LRCH1: variants seen among roughly 807,000 people sequenced by gnomAD.
The protein encoded by LRCH1 is leucine rich repeats and calponin homology domain containing 1.
LRCH1 carries 23 observed loss-of-function variants against 94.9 expected under a neutral mutation model. The ratio of observed to expected loss-of-function variants is 0.24; its 90% CI spans 0.17 to 0.34. The LOEUF (loss-of-function observed/expected upper bound fraction) is 0.34. LRCH1 is among the 10% of genes least tolerant of loss of function. LRCH1 has a pLI of 1.00. For synonymous variants in LRCH1, 364 were observed against 354.9 expected, an observed-to-expected ratio of 1.03 and a Z score of -0.29; for missense variants, 790 against 945.9, an observed-to-expected ratio of 0.84 and a Z score of 2.16.
Position 46,643,125 on chromosome 13 carries a change from G to A in LRCH1, c.308-7076G>A, listed in dbSNP as rs542083137. ...ATCTTTCTGTCACTCAGACCCTACTGTACCTTTTCACAGCCCCTTGCCCAT... is the reference window on the plus strand; with the variant it reads ...ATCTTTCTGTCACTCAGACCCTACTATACCTTTTCACAGCCCCTTGCCCAT... On this transcript the variant is annotated intron_variant, in intron 1 of 19. Transcript: ENST00000389797. 3.9e-5 allele frequency among the ~76,000 whole-genome samples: 6 copies of A among 152,310 alleles called. No individual in the cohort carries two copies. In the South Asian group the frequency reaches 1.2e-3, roughly 32 times the overall value.
At chr13:46,588,139 G>A (rs2050455253) in intron 1 of LRCH1, among the ~76,000 whole-genome samples, 1 of 152,110 alleles carries the variant, frequency 6.6e-6, no homozygotes, top group African/African-American at 2.4e-5. Flanking sequence ...ACTTATCTTG[G>A]AGTCATTTAT....
intron 1 of LRCH1, among the ~76,000 whole-genome samples, chr13:46,629,868 A>G (rs2050998087): frequency 6.6e-6 from 1 of 152,256 alleles, no homozygotes; most frequent in Admixed American, 6.5e-5. Flanking sequence ...GACAGTTAGA[A>G]AAGGTAGACA....
intron 2 of LRCH1, among the ~76,000 whole-genome samples, chr13:46,662,757 T>C (rs572219618): frequency 6.6e-6 from 1 of 152,308 alleles, no homozygotes; most frequent in East Asian, 1.9e-4. Flanking sequence ...CACGAGGAGA[T>C]AGGCTATTAT....
chr13:46,555,071 T>G (rs915657772), intron 1 of LRCH1, among the ~76,000 whole-genome samples: 1 of 152,224 alleles, frequency 6.6e-6, no homozygotes. Flanking sequence ...CAAAGATGGC[T>G]CTCCAGGGTC....
chr13:46,691,732 C>T (rs1870906658), intron 7 of LRCH1, among the ~76,000 whole-genome samples: 1 of 152,170 alleles, frequency 6.6e-6, no homozygotes, highest in Admixed American at 6.5e-5. Context: ...GTTCTCTTGC[C>T]AGGCTGGAGT....
chr13:46,566,155 A>ACAGTC (rs2050181845), intron 1 of LRCH1, among the ~76,000 whole-genome samples: 1 of 152,164 alleles, frequency 6.6e-6, no homozygotes, highest in African/African-American at 2.4e-5. Context: ...AAAACCATTG[A>ACAGTC]CAGTCTCTTC....
chr13:46,732,818 A>G (rs1157821769), intron 18 of LRCH1, among the ~76,000 whole-genome samples: 1 of 152,156 alleles, frequency 6.6e-6, no homozygotes, highest in Non-Finnish European at 1.5e-5. Context: ...TTGTCCTGAG[A>G]CATGCCAGGG....
rs77453025 is a variant in LRCH1 at position 46,576,856 on chromosome 13, T to A, written c.307+23153T>A. Among the ~76,000 whole-genome samples, 49 of 152,322 alleles carry A rather than the reference T, an allele frequency of 3.2e-4. 1 individual carries two copies. Among genetic ancestry groups the A allele is most frequent in the African/African-American group, 1.2e-3 (48 of 41,578 alleles). Reference sequence around the variant, plus strand: ...GATGCACATTTATGATGGCACAGTTTCTATGGATCAGGAGTCCAGACACAG... The same window carrying A: ...GATGCACATTTATGATGGCACAGTTACTATGGATCAGGAGTCCAGACACAG... On this transcript the variant is annotated intron_variant, in intron 1 of 19. Transcript: ENST00000389797.
At chr13:46,705,454 GTTTATACGTTTGCCTCTT>G (rs1253929400) in intron 13 of LRCH1, 150 bp downstream of exon 13, 1 of 795,856 alleles carries the variant, frequency 1.3e-6, no homozygotes, top group East Asian at 2.5e-5. Flanking sequence ...TTTTCAACTT[GTTTATACGTTTGCCTCTT>G]TAGTTCTGCT....
At chr13:46,686,414 G>A (rs1372451586) in intron 5 of LRCH1, among the ~76,000 whole-genome samples, 1 of 152,186 alleles carries the variant, frequency 6.6e-6, no homozygotes, top group Admixed American at 6.5e-5. Context: ...CGTGGGGCAG[G>A]ACCCTCTTTG....
chr13:46,696,384 A>G (rs1311792590), intron 9 of LRCH1, among the ~76,000 whole-genome samples: 1 of 152,242 alleles, frequency 6.6e-6, no homozygotes, highest in Non-Finnish European at 1.5e-5. Context: ...ATTGGAGTAT[A>G]TCGAGCATTC....
At chr13:46,585,552 CAAAAAAAA>C (rs35651253) in intron 1 of LRCH1, among the ~76,000 whole-genome samples, 1 of 82,116 alleles carries the variant, frequency 1.2e-5, no homozygotes, top group Non-Finnish European at 2.7e-5. Context: ...GACTGCATCT[CAAAAAAAA>C]AAAAAAAAAA....
chr13:46,726,535 C>T (rs916609299), intron 17 of LRCH1, among the ~76,000 whole-genome samples: 38 of 152,132 alleles, frequency 2.5e-4, no homozygotes, highest in African/African-American at 8.7e-4. Context: ...AGCTGAACAC[C>T]ACAGGAAACA....
Position 46,715,630 on chromosome 13 carries a change from C to T in LRCH1, c.1725C>T (p.Ser575=). The change falls in exon 16 of 20, where the codon AGC becomes AGT. Residue 575 remains serine (S), a synonymous_variant. Coordinates refer to ENST00000389797, the MANE Select transcript of LRCH1 (RefSeq NM_001164211.2). The part of the protein sequence containing the change: ...LTQAQTWDSS[S]YSVPSEGDSD... The stretch of plus-strand genomic sequence containing the variant: ...AGGCACAGACATGGGACAGCTCTAG[C>T]TACAGTGTTCCATCTGAAGGAGACA... 1 of 1,536,908 alleles carries T rather than the reference C, an allele frequency of 6.5e-7. No homozygotes were observed. Among genetic ancestry groups the T allele is most frequent in the Non-Finnish European group, 8.7e-7 (1 of 1,146,560 alleles).
chr13:46,745,616 T>A (rs554198079), downstream of LRCH1, among the ~76,000 whole-genome samples: 176 of 152,242 alleles, frequency 1.2e-3, no homozygotes, highest in African/African-American at 4.1e-3. Context: ...ACAAGAAATC[T>A]CTGTAAGATG....
At chr13:46,721,196 A>T (rs1194405289) in intron 16 of LRCH1, among the ~76,000 whole-genome samples, 1 of 152,202 alleles carries the variant, frequency 6.6e-6, no homozygotes, top group East Asian at 1.9e-4. Flanking sequence ...TAACTTCCTG[A>T]TAGTTTCATA....
chr13:46,660,081 T>G lies in LRCH1; in HGVS notation c.453-8949T>G, dbSNP rs550463049. Among the ~76,000 whole-genome samples, 10 of 131,708 alleles carry G rather than the reference T, an allele frequency of 7.6e-5. No individual in the cohort carries two copies. In the East Asian group the frequency reaches 1.0e-3, roughly 14 times the overall value. The allele number at this position is 131,708 out of a possible 152,430, so 86.4% of individuals were successfully genotyped here. Reference sequence around the variant, plus strand: ...GGCTGGAGTGCAGTGGCGCGATCTCTGCTCACTGCAAGCTCCGCCTCCTTG... The same window carrying G: ...GGCTGGAGTGCAGTGGCGCGATCTCGGCTCACTGCAAGCTCCGCCTCCTTG... On this transcript the variant is annotated intron_variant, in intron 2 of 19. Transcript: ENST00000389797.
At chr13:46,634,545 C>T (rs1253993057) in intron 1 of LRCH1, among the ~76,000 whole-genome samples, 3 of 152,210 alleles carry the variant, frequency 2.0e-5, no homozygotes, top group Non-Finnish European at 2.9e-5. Flanking sequence ...GTGAATTTTC[C>T]ACTCCATCCT....
chr13:46,637,310 G>A (rs566829433), intron 1 of LRCH1, among the ~76,000 whole-genome samples: 23 of 152,254 alleles, frequency 1.5e-4, no homozygotes, highest in African/African-American at 5.3e-4. Flanking sequence ...CTCCCTGCCT[G>A]CCCTAGATTC....
Sources: allele counts gnomAD v4.1 joint callset (sites outside exome capture counted in the v4.1 genomes callset), GRCh38; gene constraint gnomAD v4.1.1; transcripts MANE v1.5; gene names NCBI Gene and HGNC (gene_info 2026-07-23, HGNC 2026-07-21).